The following TMEM217B variants were observed in gnomAD, a reference collection of about 807,000 sequenced individuals.
TMEM217B encodes the protein transmembrane protein 217B.
At chr6:37,252,926 T>C in the TMEM217B span, among the ~76,000 whole-genome samples, 1 of 150,972 alleles carries the variant, frequency 6.6e-6, no homozygotes, top group Non-Finnish European at 1.5e-5. Flanking sequence ...AGGTGTGAGC[T>C]ACTGTTACCC....
chr6:37,224,626 C>G, the TMEM217B span, among the ~76,000 whole-genome samples: 1,865 of 151,302 alleles, frequency 0.012, 31 homozygotes, highest in Middle Eastern at 0.068. Context: ...AAAAAAAAAC[C>G]TTTTATTTTT....
chr6:37,212,706 G>T, the TMEM217B span: 4 of 639,778 alleles, frequency 6.3e-6, no homozygotes, highest in South Asian at 4.5e-5. Flanking sequence ...ACATGGCATA[G>T]ATCAGCAGCC....
chr6:37,248,991 C>T, the TMEM217B span, among the ~76,000 whole-genome samples: 1 of 152,182 alleles, frequency 6.6e-6, no homozygotes, highest in Admixed American at 6.5e-5. Context: ...CTTGTGGCTG[C>T]ATCACTCCAA....
At chr6:37,218,497 TC>T in the TMEM217B span, 2 of 1,614,104 alleles carry the variant, frequency 1.2e-6, no homozygotes, top group Non-Finnish European at 1.7e-6. Flanking sequence ...ATCTTTTATT[TC>T]TGCTGTGGAG....
the TMEM217B span, among the ~76,000 whole-genome samples, chr6:37,213,269 T>C: frequency 6.6e-6 from 1 of 152,338 alleles, no homozygotes; most frequent in East Asian, 1.9e-4. Flanking sequence ...TGCTTTAAAG[T>C]GGCAAAAAGA....
At chr6:37,215,532 C>T in the TMEM217B span, among the ~76,000 whole-genome samples, 82 of 118,252 alleles carry the variant, frequency 6.9e-4, no homozygotes, top group African/African-American at 2.6e-3. Flanking sequence ...TATCACACCA[C>T]TGTACTCCAG....
the TMEM217B span, among the ~76,000 whole-genome samples, chr6:37,232,760 C>G: frequency 6.6e-6 from 1 of 152,222 alleles, no homozygotes; most frequent in Non-Finnish European, 1.5e-5. Flanking sequence ...CTGCCCTCCG[C>G]GGAATCTTCC....
the TMEM217B span, among the ~76,000 whole-genome samples, chr6:37,233,771 TAACG>T: frequency 1.1e-4 from 16 of 152,296 alleles, no homozygotes; most frequent in African/African-American, 2.4e-4. Context: ...AGTCGCTAAC[TAACG>T]AAGTTACTAA....
At chr6:37,219,103 G>C in the TMEM217B span, 23 of 1,430,076 alleles carry the variant, frequency 1.6e-5, no homozygotes, top group Non-Finnish European at 2.1e-5. Flanking sequence ...AATTACCAGG[G>C]TTTCTGCCTC....
At chr6:37,215,383 T>C in the TMEM217B span, 4 of 1,365,480 alleles carry the variant, frequency 2.9e-6, no homozygotes, top group East Asian at 1.2e-4. Flanking sequence ...AAGACCAGTC[T>C]AGCCAACATG....
chr6:37,224,686 C>T, the TMEM217B span, among the ~76,000 whole-genome samples: 1 of 152,066 alleles, frequency 6.6e-6, no homozygotes, highest in South Asian at 2.1e-4. Flanking sequence ...AAACTCCTGG[C>T]CTCAAGTGAC....
chr6:37,227,166 C>A, the TMEM217B span, among the ~76,000 whole-genome samples: 27 of 152,162 alleles, frequency 1.8e-4, no homozygotes, highest in African/African-American at 6.0e-4. Flanking sequence ...TTTGAATCCA[C>A]TGAGCCCAGA....
the TMEM217B span, among the ~76,000 whole-genome samples, chr6:37,238,100 G>A: frequency 6.6e-6 from 1 of 151,274 alleles, no homozygotes; most frequent in Non-Finnish European, 1.5e-5. Context: ...GACCAATGAG[G>A]GTATGTCATG....
chr6:37,254,589 A>G, the TMEM217B span, among the ~76,000 whole-genome samples: 1 of 152,246 alleles, frequency 6.6e-6, no homozygotes, highest in African/African-American at 2.4e-5. Context: ...ACTAGGGGTT[A>G]GGAAACACTG....
At chr6:37,240,460 G>A in the TMEM217B span, among the ~76,000 whole-genome samples, 415 of 152,248 alleles carry the variant, frequency 2.7e-3, 3 homozygotes, top group African/African-American at 9.6e-3. Flanking sequence ...ATTTCCTCAT[G>A]ACATGGCCAC....
At chr6:37,257,950 G>T in the TMEM217B span, 1 of 1,614,176 alleles carries the variant, frequency 6.2e-7, no homozygotes. Context: ...AGTTTTGGAA[G>T]AGGAGCGCTA....
At chr6:37,229,681 C>A in the TMEM217B span, among the ~76,000 whole-genome samples, 1 of 152,174 alleles carries the variant, frequency 6.6e-6, no homozygotes, top group East Asian at 1.9e-4. Flanking sequence ...TCGTTAGATT[C>A]ATTTTATTAT....
At chr6:37,240,734 A>C in the TMEM217B span, among the ~76,000 whole-genome samples, 1 of 152,246 alleles carries the variant, frequency 6.6e-6, no homozygotes, top group South Asian at 2.1e-4. Context: ...AAACATGATT[A>C]ATTTAAAACA....
At chr6:37,238,086 C>A in the TMEM217B span, among the ~76,000 whole-genome samples, 1 of 151,014 alleles carries the variant, frequency 6.6e-6, no homozygotes, top group Non-Finnish European at 1.5e-5. Context: ...GAGAGCCATG[C>A]ATGGACCAAT....
Sources: gnomAD v4.1 joint callset for allele counts (sites outside exome capture counted in the v4.1 genomes callset) on GRCh38, gnomAD v4.1.1 for gene constraint, MANE v1.5 for transcripts, NCBI Gene and HGNC (gene_info 2026-07-23, HGNC 2026-07-21) for gene names.